Variants in PHKA1 observed in about 807,000 individuals in gnomAD.
PHKA1 encodes phosphorylase kinase regulatory subunit alpha 1.
Under a neutral mutation model 110.2 loss-of-function variants are expected in PHKA1, and 60 were observed. The ratio of observed to expected loss-of-function variants is 0.54; its 90% CI spans 0.44 to 0.68. The LOEUF is 0.68. Ranked by LOEUF, PHKA1 falls within the 30% of genes least tolerant of loss-of-function variation. PHKA1 has a pLI of 0.00. For missense variants in PHKA1, 801 were observed against 942.5 expected (o/e 0.85, Z 1.97); for synonymous variants, 316 against 333.6 (o/e 0.95, Z 0.58).
chrX:72,586,337 C>T (rs2052429869), intron 29 of PHKA1, among the ~76,000 whole-genome samples: 1 of 112,297 alleles, frequency 8.9e-6, no homozygotes, highest in African/African-American at 3.2e-5. Context: ...AGCTGAGAGA[C>T]CTGACTGCAA....
chrX:72,685,686 A>G (rs1556318620), intron 4 of PHKA1, among the ~76,000 whole-genome samples: 1 of 111,887 alleles, frequency 8.9e-6, no homozygotes, highest in East Asian at 2.8e-4. Context: ...TTACATATGA[A>G]AGACTTGGTT....
At chrX:72,639,542 G>C (rs1274978907) in intron 14 of PHKA1, among the ~76,000 whole-genome samples, 2 of 110,785 alleles carry the variant, frequency 1.8e-5, no homozygotes, top group East Asian at 2.8e-4. Flanking sequence ...CTCCATCTTG[G>C]GGGGAGAAAA....
chrX:72,698,221 T>C (rs977297895), intron 3 of PHKA1, among the ~76,000 whole-genome samples: 4 of 110,954 alleles, frequency 3.6e-5, no homozygotes, highest in Non-Finnish European at 5.7e-5. Context: ...TATAAATCCA[T>C]TGGCATGCCT....
chrX:72,664,164 C>T (rs1310308473), intron 8 of PHKA1, among the ~76,000 whole-genome samples: 1 of 110,754 alleles, frequency 9.0e-6, no homozygotes, highest in African/African-American at 3.3e-5. Context: ...GATAACAAGA[C>T]TCACATGATA....
rs369049874 is a variant in PHKA1, at chrX:72,684,574, T to A, written c.461A>T (p.His154Leu). 1.7e-6 allele frequency: 2 copies of A among 1,146,654 alleles called. No homozygotes were observed. Among genetic ancestry groups the A allele is most frequent in the African/African-American group, 3.6e-5 (2 of 55,970 alleles). 94.5% of individuals were successfully genotyped at this position (1,146,654 alleles called of 1,213,427 possible). A position where few individuals can be genotyped will look rare whatever the true frequency, so the allele number is the denominator to read the frequency against. Reference sequence around the variant, plus strand: ...GACTTCATCTAGGCTGTGGATGATATGGAGTCCTGAGGAAAGAGGGAATAA... The same window carrying A: ...GACTTCATCTAGGCTGTGGATGATAAGGAGTCCTGAGGAAAGAGGGAATAA... ...FLAQMTASGLHIIHSLDEVNF... is the reference protein window; with the variant it reads ...FLAQMTASGLLIIHSLDEVNF... The change falls in exon 5 of 32, where the codon CAT becomes CTT. Residue 154 changes from histidine to leucine, a missense_variant. Physicochemically the swap from His to Leu is moderately conservative, Grantham distance 99. This residue lies in a region of PHKA1 where 299 missense variants were observed against 423.3 expected (regional missense o/e 0.71). Transcript: ENST00000373542.
chrX:72,700,548 A>C (rs1469030901), intron 3 of PHKA1, among the ~76,000 whole-genome samples: 1 of 112,138 alleles, frequency 8.9e-6, no homozygotes, highest in Non-Finnish European at 1.9e-5. Context: ...ATTCTGATAT[A>C]ACTTAGTGTA....
chrX:72,682,249 C>T (rs1162424336), intron 5 of PHKA1, among the ~76,000 whole-genome samples: 2 of 90,890 alleles, frequency 2.2e-5, no homozygotes, highest in Non-Finnish European at 4.4e-5. Flanking sequence ...GGGGGGTCAG[C>T]CCCCCGCCCG....
Position 72,650,405 on chromosome X carries a change from C to T in PHKA1, c.1309G>A (p.Asp437Asn), listed in dbSNP as rs782063260. ...GAATACATACCTTGAACCACAACATCGGGCTTCGGTACAGTAGAAAACCTG... is the reference window on the plus strand; with the variant it reads ...GAATACATACCTTGAACCACAACATTGGGCTTCGGTACAGTAGAAAACCTG... The part of the protein sequence containing the change: ...NRRFSTVPKP[D>N]VVVQVSILAE... The change falls in exon 13 of 32, where the codon GAT (aspartate) becomes AAT (asparagine). Residue 437 changes from aspartate to asparagine, a missense_variant. Asp to Asn is a conservative substitution (Grantham distance 23). This residue lies in a region of PHKA1 where 299 missense variants were observed against 423.3 expected (regional missense o/e 0.71). Coordinates refer to ENST00000373542, the MANE Select transcript of PHKA1 (RefSeq NM_002637.4). 52 of 1,206,919 alleles carry T rather than the reference C, an allele frequency of 4.3e-5. 1 individual carries two copies. In the Admixed American group the frequency reaches 8.3e-4, roughly 19 times the overall value.
intron 16 of PHKA1, among the ~76,000 whole-genome samples, chrX:72,628,645 A>T (rs1264933102): frequency 4.8e-5 from 5 of 103,977 alleles, no homozygotes; most frequent in Non-Finnish European, 9.8e-5. Context: ...GCTGGAGTGC[A>T]GTGGTGCAAT....
At chrX:72,689,793 C>A (rs2054012004) in intron 4 of PHKA1, among the ~76,000 whole-genome samples, 1 of 111,648 alleles carries the variant, frequency 9.0e-6, no homozygotes, top group East Asian at 2.8e-4. Context: ...AACTACCAGA[C>A]TCTTTTCCAA....
chrX:72,648,585 CT>C (rs1253950022), intron 13 of PHKA1, among the ~76,000 whole-genome samples: 2 of 110,770 alleles, frequency 1.8e-5, no homozygotes, highest in Non-Finnish European at 3.8e-5. Flanking sequence ...TCCCCAATAG[CT>C]TTTTAGCAGG....
rs782573920 is a variant in PHKA1, at chrX:72,705,244, C to T, written c.239G>A (p.Ser80Asn). 1 of 1,188,165 alleles carries T rather than the reference C, an allele frequency of 8.4e-7. No homozygotes were observed. The highest frequency in any genetic ancestry group is 1.8e-5 in the African/African-American group (1 of 56,848). ...TAGTCCTCTCATCAGCTTCACTACACTCTGCAGAAATAAATGGAAACAAGA... is the reference window on the plus strand; with the variant it reads ...TAGTCCTCTCATCAGCTTCACTACATTCTGCAGAAATAAATGGAAACAAGA... Reference protein sequence around the residue: ...DKAKAYELEQSVVKLMRGLLH... With the variant: ...DKAKAYELEQNVVKLMRGLLH... The change falls in exon 3 of 32, where the codon AGT (serine) becomes AAT (asparagine). Residue 80 changes from serine to asparagine, a missense_variant and splice_region_variant. Physicochemically the swap from Ser to Asn is conservative, Grantham distance 46. Around this residue, in one of 2 missense-constraint regions of PHKA1, gnomAD observed 299 missense variants for 423.3 expected, o/e 0.71. Coordinates refer to ENST00000373542, the MANE Select transcript of PHKA1 (RefSeq NM_002637.4).
intron 22 of PHKA1, 106 bp from the exon 23 acceptor site, chrX:72,609,809 C>T: frequency 1.8e-6 from 1 of 570,458 alleles, no homozygotes. Context: ...CATAATGACA[C>T]ACTGAACTCT....
chrX:72,631,592 A>G (rs893956216), intron 16 of PHKA1, among the ~76,000 whole-genome samples: 5 of 110,921 alleles, frequency 4.5e-5, no homozygotes, highest in African/African-American at 1.6e-4. Context: ...GGGTCTTTAA[A>G]AAAACCTGTT....
chrX:72,637,168 A>G (rs905573632), intron 14 of PHKA1, among the ~76,000 whole-genome samples: 2 of 112,260 alleles, frequency 1.8e-5, no homozygotes, highest in African/African-American at 6.5e-5. Context: ...AAACTCTTTC[A>G]TCTTCCCAGA....
intron 28 of PHKA1, chrX:72,599,819 A>T (rs1556239834): frequency 1.8e-6 from 1 of 551,795 alleles, no homozygotes; most frequent in East Asian, 3.3e-5. Flanking sequence ...CAGTTACCAT[A>T]AAAGACGGTG....
At chrX:72,608,054 G>A (rs6626016) in intron 23 of PHKA1, among the ~76,000 whole-genome samples, 2,290 of 110,995 alleles carry the variant, frequency 0.021, 68 homozygotes, top group African/African-American at 0.072. Context: ...TACCCACCAC[G>A]GCTGGGCATG....
At chrX:72,599,475 T>G (rs781869364) in intron 28 of PHKA1, among the ~76,000 whole-genome samples, 2 of 111,712 alleles carry the variant, frequency 1.8e-5, no homozygotes, top group Admixed American at 1.9e-4. Context: ...CTTTCAAACT[T>G]AAAAATGCAT....
chrX:72,633,810 T>C (rs781893000), intron 16 of PHKA1, among the ~76,000 whole-genome samples: 29 of 111,841 alleles, frequency 2.6e-4, no homozygotes, highest in Admixed American at 6.6e-4. Context: ...TTAAATATCT[T>C]TGCTTATTTT....
Sources: gnomAD v4.1 joint callset for allele counts (sites outside exome capture counted in the v4.1 genomes callset) on GRCh38, gnomAD v4.1.1 for gene constraint, gnomAD v4.1.1 regional missense constraint, MANE v1.5 for transcripts, NCBI Gene and HGNC (gene_info 2026-07-23, HGNC 2026-07-21) for gene names.